The following MYO3B variants were observed in gnomAD, a reference collection of about 807,000 sequenced individuals.
The protein encoded by MYO3B is myosin-IIIb.
In MYO3B, 156 loss-of-function variants were observed where a neutral mutation model predicts 174.6. The observed-to-expected ratio is 0.89, with a 90% CI of 0.78 to 1.02. MYO3B has a LOEUF of 1.02. MYO3B is among the 50% of genes least tolerant of loss of function. The pLI is 0.00. For missense variants in MYO3B, 1,632 were observed against 1,639.4 expected (o/e 1.00, Z 0.08); for synonymous variants, 563 against 569.1 (o/e 0.99, Z 0.15).
chr2:170,247,494 T>G (rs1345341282), intron 7 of MYO3B, among the ~76,000 whole-genome samples: 1 of 152,176 alleles, frequency 6.6e-6, no homozygotes, highest in African/African-American at 2.4e-5. Flanking sequence ...TCATCAAGGT[T>G]TCGTTCTTTA....
chr2:170,508,414 A>G (rs1214507027), intron 28 of MYO3B, among the ~76,000 whole-genome samples: 1 of 152,218 alleles, frequency 6.6e-6, no homozygotes, highest in Non-Finnish European at 1.5e-5. Context: ...GACTGTAACT[A>G]CACAATAGTA....
chr2:170,464,863 G>A (rs1684518553), intron 24 of MYO3B, among the ~76,000 whole-genome samples: 1 of 151,776 alleles, frequency 6.6e-6, no homozygotes, highest in Admixed American at 6.6e-5. Flanking sequence ...ACTTGAGACT[G>A]GATAATTTTT....
chr2:170,373,212 G>A (rs1050871683), intron 9 of MYO3B, among the ~76,000 whole-genome samples: 44 of 152,226 alleles, frequency 2.9e-4, no homozygotes, highest in Admixed American at 3.3e-4. Flanking sequence ...GGGAAACAGA[G>A]AAGTGTGTTG....
intron 32 of MYO3B, among the ~76,000 whole-genome samples, chr2:170,633,976 C>G (rs886586732): frequency 4.6e-5 from 7 of 152,252 alleles, no homozygotes; most frequent in South Asian, 2.1e-4. Flanking sequence ...AGGACACAAA[C>G]AAATGGAAGA....
intron 32 of MYO3B, among the ~76,000 whole-genome samples, chr2:170,583,450 G>A (rs1158909229): frequency 2.0e-5 from 3 of 152,084 alleles, no homozygotes; most frequent in Non-Finnish European, 2.9e-5. Context: ...TCAAGGCTAC[G>A]AGCTTGGTTT....
intron 3 of MYO3B, among the ~76,000 whole-genome samples, chr2:170,209,832 ATAT>A (rs1306208574): frequency 6.6e-6 from 1 of 152,190 alleles, no homozygotes; most frequent in African/African-American, 2.4e-5. Context: ...ACACATATTA[ATAT>A]TATTCATCAA....
intron 32 of MYO3B, among the ~76,000 whole-genome samples, chr2:170,622,033 TCAAAAGC>T (rs1367623186): frequency 3.3e-5 from 5 of 152,296 alleles, no homozygotes; most frequent in African/African-American, 1.2e-4. Context: ...AACCTTCATT[TCAAAAGC>T]CAAAAGCCAA....
intron 25 of MYO3B, among the ~76,000 whole-genome samples, chr2:170,491,463 G>A (rs1686465036): frequency 7.4e-6 from 1 of 135,852 alleles, no homozygotes; most frequent in Non-Finnish European, 1.6e-5. Flanking sequence ...CGGAGTCTCT[G>A]TCGACAGGCT....
intron 7 of MYO3B, among the ~76,000 whole-genome samples, chr2:170,303,903 A>C (rs1431275602): frequency 6.6e-6 from 1 of 152,140 alleles, no homozygotes; most frequent in Non-Finnish European, 1.5e-5. Flanking sequence ...TTATTCACTT[A>C]GCAATTTTAT....
chr2:170,336,858 T>C (rs2093950340), intron 8 of MYO3B, among the ~76,000 whole-genome samples: 1 of 152,130 alleles, frequency 6.6e-6, no homozygotes, highest in South Asian at 2.1e-4. Flanking sequence ...TCAGGGTCCC[T>C]GAATTTGTTT....
intron 25 of MYO3B, among the ~76,000 whole-genome samples, chr2:170,482,279 C>T (rs1192009940): frequency 1.3e-5 from 2 of 152,024 alleles, no homozygotes; most frequent in Admixed American, 1.3e-4. Context: ...CTCAGCCTCT[C>T]GAGTAGCTGG....
intron 25 of MYO3B, among the ~76,000 whole-genome samples, chr2:170,486,007 G>GGAGA (rs138105393): frequency 0.035 from 5,193 of 149,912 alleles, 288 homozygotes; most frequent in African/African-American, 0.12. Flanking sequence ...AAAGAAAGAG[G>GGAGA]GAGAGAGAGA....
Position 170,401,680 on chromosome 2 carries a change from C to G in MYO3B, c.2118C>G (p.Asp706Glu), listed in dbSNP as rs372265423. ...GCATTAATACACTCCTGCAGCCAGACGAAAACATATGGCAAGTTCCTCGGA... is the reference window on the plus strand; with the variant it reads ...GCATTAATACACTCCTGCAGCCAGAGGAAAACATATGGCAAGTTCCTCGGA... ...VNRINTLLQPDENICSAGGGM... is the reference protein window; with the variant it reads ...VNRINTLLQPEENICSAGGGM... The change falls in exon 18 of 35, where the codon GAC becomes GAG. Residue 706 changes from aspartate to glutamate, a missense_variant. Physicochemically the swap from Asp to Glu is conservative, Grantham distance 45. Transcript: ENST00000408978. 1.4e-4 allele frequency: 231 copies of G among 1,613,628 alleles called. 3 individuals carry two copies. The South Asian group carries it at 2.5e-3, about 17-fold the overall frequency.
At chr2:170,207,314 C>G (rs2092723118) in intron 3 of MYO3B, among the ~76,000 whole-genome samples, 2 of 152,062 alleles carry the variant, frequency 1.3e-5, no homozygotes, top group Admixed American at 1.3e-4. Context: ...ATCCGAGGCT[C>G]CAGTTGCATG....
intron 28 of MYO3B, among the ~76,000 whole-genome samples, chr2:170,505,486 C>T (rs745532643): frequency 1.3e-5 from 2 of 152,094 alleles, no homozygotes; most frequent in Non-Finnish European, 2.9e-5. Context: ...CTAACAGTGA[C>T]CTTGATTCCA....
At chr2:170,469,091 G>A (rs1425122464) in intron 25 of MYO3B, among the ~76,000 whole-genome samples, 5 of 152,282 alleles carry the variant, frequency 3.3e-5, no homozygotes, top group East Asian at 1.9e-4. Flanking sequence ...AGCCAAGATC[G>A]TGCCACTGCG....
intron 24 of MYO3B, among the ~76,000 whole-genome samples, chr2:170,464,489 A>T (rs1053222180): frequency 6.6e-6 from 1 of 152,202 alleles, no homozygotes; most frequent in Non-Finnish European, 1.5e-5. Flanking sequence ...TGGAAGAGCC[A>T]GGAAGGCTGA....
At chr2:170,584,838 A>T (rs1218608020) in intron 32 of MYO3B, among the ~76,000 whole-genome samples, 1 of 152,260 alleles carries the variant, frequency 6.6e-6, no homozygotes, top group Non-Finnish European at 1.5e-5. Flanking sequence ...TCTAACCCAT[A>T]GGAGAAAAAT....
chr2:170,503,664 T>A (rs201969710), intron 28 of MYO3B, among the ~76,000 whole-genome samples: 2 of 139,924 alleles, frequency 1.4e-5, no homozygotes, highest in Non-Finnish European at 3.1e-5. Context: ...TTTTTTTTTT[T>A]AGCCTTGCAA....
Sources: allele counts gnomAD v4.1 joint callset (sites outside exome capture counted in the v4.1 genomes callset), GRCh38; gene constraint gnomAD v4.1.1; transcripts MANE v1.5; gene names NCBI Gene and HGNC (gene_info 2026-07-23, HGNC 2026-07-21).